The following LTA4H variants were observed in gnomAD, a reference collection of about 807,000 sequenced individuals.
LTA4H encodes the protein leukotriene A-4 hydrolase.
LTA4H carries 59 observed loss-of-function variants against 89.8 expected under a neutral mutation model. That is an observed-to-expected ratio of 0.66 (90% CI 0.53 to 0.82). The LOEUF (loss-of-function observed/expected upper bound fraction) is 0.82, where lower values mean the gene tolerates loss of function less well. Ranked by LOEUF, LTA4H falls within the 40% of genes least tolerant of loss-of-function variation. The pLI, the probability that LTA4H is intolerant of heterozygous loss-of-function variation, is 0.00. For synonymous variants in LTA4H, 227 were observed against 253.1 expected, an observed-to-expected ratio of 0.90 and a Z score of 0.98; for missense variants, 617 against 727.0, an observed-to-expected ratio of 0.85 and a Z score of 1.74.
intron 4 of LTA4H, among the ~76,000 whole-genome samples, chr12:96,024,105 G>GT (rs1237042761): frequency 5.3e-5 from 8 of 151,228 alleles, no homozygotes; most frequent in South Asian, 4.2e-4. Context: ...AATTTTTTGT[G>GT]TTTTTTTTAG....
chr12:96,006,530 A>C, intron 15 of LTA4H, 121 bp from the exon 16 acceptor site: 1 of 550,848 alleles, frequency 1.8e-6, no homozygotes, highest in Admixed American at 3.3e-5. Context: ...GATTATTCAA[A>C]ATAAATTTAA....
At chr12:96,036,111 GT>G (rs3834483), upstream of LTA4H, among the ~76,000 whole-genome samples, 15,647 of 152,126 alleles carry the variant, frequency 0.1, 1,057 homozygotes, top group East Asian at 0.3. Context: ...ATTGTTTTTT[GT>G]TTTTAGCTGT....
At chr12:96,008,593 C>A (rs1031608463) in intron 15 of LTA4H, among the ~76,000 whole-genome samples, 3 of 151,738 alleles carry the variant, frequency 2.0e-5, no homozygotes, top group Admixed American at 6.6e-5. Context: ...AGGATTAATG[C>A]CTTCAACATC....
intron 6 of LTA4H, among the ~76,000 whole-genome samples, chr12:96,020,464 C>T (rs1180379261): frequency 1.3e-5 from 2 of 152,066 alleles, no homozygotes; most frequent in African/African-American, 4.8e-5. Flanking sequence ...ATGGGTGTTA[C>T]CAAGGACTGG....
At chr12:96,019,374 G>A in intron 6 of LTA4H, 134 bp from the exon 7 acceptor site, 2 of 693,816 alleles carry the variant, frequency 2.9e-6, no homozygotes, top group Non-Finnish European at 4.9e-6. Flanking sequence ...GGAAAGGGAT[G>A]AGGTTACATG....
upstream of LTA4H, among the ~76,000 whole-genome samples, chr12:96,036,047 C>T (rs986922921): frequency 3.3e-5 from 5 of 152,130 alleles, no homozygotes; most frequent in Non-Finnish European, 7.4e-5. Context: ...GGTGAGTATC[C>T]CCGCCTGTCA....
intron 6 of LTA4H, among the ~76,000 whole-genome samples, chr12:96,020,455 T>C (rs1481735493): frequency 6.6e-6 from 1 of 152,172 alleles, no homozygotes; most frequent in Non-Finnish European, 1.5e-5. Context: ...GAAAATAGAA[T>C]GGGTGTTACC....
chr12:96,002,013 A>C (rs1436040096), intron 18 of LTA4H, among the ~76,000 whole-genome samples: 2 of 152,112 alleles, frequency 1.3e-5, no homozygotes, highest in Non-Finnish European at 2.9e-5. Context: ...GCCTACCACC[A>C]CACCTGGCTA....
At chr12:96,034,065 T>C (rs932761380) in intron 1 of LTA4H, among the ~76,000 whole-genome samples, 2 of 152,214 alleles carry the variant, frequency 1.3e-5, no homozygotes, top group Non-Finnish European at 2.9e-5. Flanking sequence ...AGAAAGTAAG[T>C]ACTTATTAGT....
At chr12:96,037,852 T>C (rs1437641493), upstream of LTA4H, among the ~76,000 whole-genome samples, 1 of 151,898 alleles carries the variant, frequency 6.6e-6, no homozygotes, top group Admixed American at 6.6e-5. Context: ...GACCGACTAA[T>C]TTTTTGTGTG....
chr12:96,025,771 G>A (rs1424723146), intron 3 of LTA4H, among the ~76,000 whole-genome samples: 3 of 149,840 alleles, frequency 2.0e-5, no homozygotes, highest in East Asian at 2.0e-4. Flanking sequence ...AGGCTGCAGT[G>A]ACCCAAGTTC....
chr12:96,018,978 T>C, intron 7 of LTA4H, 75 bp from the exon 8 acceptor site: 1 of 1,359,444 alleles, frequency 7.4e-7, no homozygotes, highest in Non-Finnish European at 1.0e-6. Context: ...GTATATTGCT[T>C]TCTATGAAGG....
chr12:96,038,638 C>T (rs980943992), upstream of LTA4H, among the ~76,000 whole-genome samples: 2 of 151,740 alleles, frequency 1.3e-5, no homozygotes, highest in Non-Finnish European at 2.9e-5. Flanking sequence ...CTTGGCCTTC[C>T]AAAGTGCTGG....
At chr12:96,003,117 A>C in intron 17 of LTA4H, 53 bp from the exon 18 acceptor site, 1 of 1,123,426 alleles carries the variant, frequency 8.9e-7, no homozygotes, top group East Asian at 2.5e-5. Flanking sequence ...AAGGGGCAGG[A>C]TATGACAGGT....
At chr12:96,011,996 T>C (rs1340273425) in intron 14 of LTA4H, 7 of 152,210 alleles carry the variant, frequency 4.6e-5, no homozygotes, top group African/African-American at 1.7e-4. Context: ...GTGCCACCTG[T>C]TTCCAACACA....
upstream of LTA4H, among the ~76,000 whole-genome samples, chr12:96,036,019 G>T (rs1462013070): frequency 6.6e-6 from 1 of 152,180 alleles, no homozygotes; most frequent in Admixed American, 6.5e-5. Flanking sequence ...CTTTCGTGCG[G>T]TTCCTCGTTA....
chr12:96,004,393 T>G (rs17025028), intron 16 of LTA4H, among the ~76,000 whole-genome samples: 17,842 of 152,234 alleles, frequency 0.12, 1,300 homozygotes, highest in East Asian at 0.29. Flanking sequence ...AGTTCTTAAA[T>G]GTTTGTATTA....
chr12:96,008,089 G>T (rs1180602298), intron 15 of LTA4H, among the ~76,000 whole-genome samples: 1 of 152,072 alleles, frequency 6.6e-6, no homozygotes, highest in Non-Finnish European at 1.5e-5. Context: ...AAACTACTGG[G>T]TACTGTGCTC....
In LTA4H at chr12:96,026,955, G is replaced by A. The variant is rs984234531; in HGVS notation, c.411+489C>T. The stretch of plus-strand genomic sequence containing the variant: ...ATTTTAAAGGTACAGTTAATATATT[G>A]ATATAATACATACTTTTGTAAATGT... On this transcript the variant is annotated intron_variant, in intron 3 of 18. Transcript: ENST00000228740. Among the ~76,000 whole-genome samples, 11 of 152,206 alleles carry A rather than the reference G, an allele frequency of 7.2e-5. No individual in the cohort carries two copies. In the South Asian group the frequency reaches 2.1e-3, roughly 29 times the overall value.
Sources: allele counts gnomAD v4.1 joint callset (sites outside exome capture counted in the v4.1 genomes callset), GRCh38; gene constraint gnomAD v4.1.1; transcripts MANE v1.5; gene names NCBI Gene and HGNC (gene_info 2026-07-23, HGNC 2026-07-21).